The following GAS2 variants were observed in gnomAD, a reference collection of about 807,000 sequenced individuals.
GAS2 encodes growth arrest specific 2.
Under a neutral mutation model 37.5 loss-of-function variants are expected in GAS2, and 20 were observed. The observed-to-expected ratio is 0.53, with a 90% CI of 0.37 to 0.77. The LOEUF (loss-of-function observed/expected upper bound fraction) is 0.77, where lower values mean the gene tolerates loss of function less well. GAS2 is among the 30% of genes least tolerant of loss of function. The probability of loss-of-function intolerance (pLI) is 0.00; values close to 1 mark genes in which losing one functional copy is unlikely to be tolerated. For missense variants in GAS2, 336 were observed against 373.4 expected (o/e 0.90, Z 0.82); for synonymous variants, 144 against 132.2 (o/e 1.09, Z -0.61).
chr11:22,699,083 C>G (rs1274509496), intron 3 of GAS2, among the ~76,000 whole-genome samples: 1 of 152,166 alleles, frequency 6.6e-6, no homozygotes, highest in Non-Finnish European at 1.5e-5. Flanking sequence ...ATAGCATAGG[C>G]TGCTAGTTTT....
At chr11:22,649,177 T>G (rs1848740894) in intron 1 of GAS2, among the ~76,000 whole-genome samples, 1 of 151,418 alleles carries the variant, frequency 6.6e-6, no homozygotes, top group Non-Finnish European at 1.5e-5. Flanking sequence ...GAGATAATCA[T>G]GTGGTTTTTG....
At chr11:22,796,154 A>T (rs376835788) in intron 7 of GAS2, among the ~76,000 whole-genome samples, 1 of 152,146 alleles carries the variant, frequency 6.6e-6, no homozygotes. Context: ...TGCTGTGATG[A>T]CACAGTCACT....
intron 7 of GAS2, among the ~76,000 whole-genome samples, chr11:22,761,280 A>G (rs949421597): frequency 3.3e-5 from 5 of 152,166 alleles, no homozygotes; most frequent in African/African-American, 1.2e-4. Flanking sequence ...GTGAGAGGAA[A>G]ATAACCTAAT....
At chr11:22,652,231 CG>C (rs1412311881) in intron 1 of GAS2, among the ~76,000 whole-genome samples, 2 of 152,100 alleles carry the variant, frequency 1.3e-5, no homozygotes, top group Admixed American at 6.5e-5. Context: ...TTAGGCTGCT[CG>C]GGGGTCAGGG....
intron 7 of GAS2, among the ~76,000 whole-genome samples, chr11:22,792,664 C>T (rs767691394): frequency 1.3e-5 from 2 of 152,130 alleles, no homozygotes; most frequent in Non-Finnish European, 2.9e-5. Context: ...TTATAAACAG[C>T]GTTTGTGTCA....
upstream of GAS2, among the ~76,000 whole-genome samples, chr11:22,665,541 A>C (rs1848969859): frequency 6.6e-6 from 1 of 152,198 alleles, no homozygotes. Context: ...GTTTCTCCTT[A>C]AAATTAAGAA....
At position 22,749,189 on chromosome 11, in the gene GAS2, C is replaced by G. The variant is rs771602352; in HGVS notation, c.543C>G (p.Ala181=). The change falls in exon 6 of 8, where the codon GCC becomes GCG. Residue 181 remains alanine (A), a synonymous_variant. Transcript: ENST00000454584. ...TTGAACAAGAAGAAACACTTTCTGC[C>G]CCTTCTCCTTCACCTTCTCCTTCAT... The part of the protein sequence containing the change: ...KEIEQEETLS[A]PSPSPSPSSK... 3 of 1,612,180 alleles carry G rather than the reference C, an allele frequency of 1.9e-6. No homozygotes were observed. In the African/African-American group the frequency reaches 4.0e-5, roughly 22 times the overall value.
chr11:22,807,213 T>C (rs1187852099), intron 7 of GAS2, among the ~76,000 whole-genome samples: 3 of 152,188 alleles, frequency 2.0e-5, no homozygotes, highest in Non-Finnish European at 4.4e-5. Flanking sequence ...ACTAGGTCCA[T>C]AGAGAAGATC....
At chr11:22,641,016 C>G (rs1858903545) in intron 1 of GAS2, among the ~76,000 whole-genome samples, 1 of 151,460 alleles carries the variant, frequency 6.6e-6, no homozygotes, top group African/African-American at 2.4e-5. Context: ...TTTTCCCCCT[C>G]CTCTGCGCAG....
At chr11:22,762,754 G>A (rs968066085) in intron 7 of GAS2, among the ~76,000 whole-genome samples, 2 of 152,076 alleles carry the variant, frequency 1.3e-5, no homozygotes, top group African/African-American at 2.4e-5. Flanking sequence ...CTGTATGATG[G>A]ACACTGTATA....
intron 5 of GAS2, among the ~76,000 whole-genome samples, chr11:22,739,040 C>T (rs1225340613): frequency 6.6e-6 from 1 of 152,146 alleles, no homozygotes; most frequent in Non-Finnish European, 1.5e-5. Flanking sequence ...AGTCTTGGTC[C>T]TTTCAGATGT....
chr11:22,754,449 G>C (rs1306882758), intron 6 of GAS2, among the ~76,000 whole-genome samples: 1 of 152,004 alleles, frequency 6.6e-6, no homozygotes, highest in African/African-American at 2.4e-5. Context: ...GCAAAATTAA[G>C]GATGGCAAAA....
chr11:22,767,142 C>T (rs898751129), intron 7 of GAS2, among the ~76,000 whole-genome samples: 1 of 152,014 alleles, frequency 6.6e-6, no homozygotes, highest in African/African-American at 2.4e-5. Context: ...TACATTATCT[C>T]ATTTTAGCTT....
chr11:22,742,931 G>A (rs114957588), intron 5 of GAS2, among the ~76,000 whole-genome samples: 1,616 of 152,112 alleles, frequency 0.011, 23 homozygotes, highest in African/African-American at 0.037. Context: ...TTTCACTTAT[G>A]GATGACTTTT....
chr11:22,685,838 A>G (rs1274188961), intron 3 of GAS2, 49 bp downstream of exon 3: 4 of 1,560,198 alleles, frequency 2.6e-6, no homozygotes, highest in Middle Eastern at 1.7e-4. Flanking sequence ...GATTACATTT[A>G]TAATTGCTTA....
At chr11:22,695,106 G>A (rs1329272033) in intron 3 of GAS2, among the ~76,000 whole-genome samples, 1 of 151,962 alleles carries the variant, frequency 6.6e-6, no homozygotes, top group Non-Finnish European at 1.5e-5. Context: ...GATCACTTGA[G>A]GTCAGGAGTT....
rs184658775 is a variant in GAS2, at chr11:22,752,584, G to A, written c.616-3262G>A. Reference sequence around the variant, plus strand: ...TAGAGATTGCTTGCAGAGTTTCTGCGTTTAGTTAATAATATTGGCTAATTT... The same window carrying A: ...TAGAGATTGCTTGCAGAGTTTCTGCATTTAGTTAATAATATTGGCTAATTT... On this transcript the variant is annotated intron_variant, in intron 6 of 7. Coordinates refer to ENST00000454584, the MANE Select transcript of GAS2 (RefSeq NM_001143830.3). Among the ~76,000 whole-genome samples, 354 of 151,698 alleles carry A rather than the reference G, an allele frequency of 2.3e-3. 2 individuals are homozygous for A. Among genetic ancestry groups the A allele is most frequent in the African/African-American group, 7.4e-3 (307 of 41,386 alleles).
chr11:22,756,556 T>G (rs1183094241), intron 7 of GAS2, among the ~76,000 whole-genome samples: 1 of 151,970 alleles, frequency 6.6e-6, no homozygotes, highest in Non-Finnish European at 1.5e-5. Flanking sequence ...CTGCAATGAC[T>G]CTGTTGAAAT....
chr11:22,708,068 A>G (rs1851211193), intron 3 of GAS2, among the ~76,000 whole-genome samples: 1 of 151,396 alleles, frequency 6.6e-6, no homozygotes, highest in South Asian at 2.1e-4. Context: ...TTGGAAAACA[A>G]CAATGAGCTA....
Sources: gnomAD v4.1 joint callset for allele counts (sites outside exome capture counted in the v4.1 genomes callset) on GRCh38, gnomAD v4.1.1 for gene constraint, MANE v1.5 for transcripts, NCBI Gene and HGNC (gene_info 2026-07-23, HGNC 2026-07-21) for gene names.